Variants in PFKFB2 observed in about 807,000 individuals in gnomAD.
The protein encoded by PFKFB2 is 6-phosphofructo-2-kinase/fructose-2,6-bisphosphatase 2.
A neutral mutation model predicts 68.0 loss-of-function variants in PFKFB2; 53 were observed. The ratio of observed to expected loss-of-function variants is 0.78; its 90% CI spans 0.63 to 0.98. PFKFB2 has a LOEUF of 0.98. Among genes scored for constraint, PFKFB2 ranks in the 50% least tolerant of loss-of-function variants. The probability of loss-of-function intolerance (pLI) is 0.00; values close to 1 mark genes in which losing one functional copy is unlikely to be tolerated. For missense variants in PFKFB2, 451 were observed against 642.0 expected (o/e 0.70, Z 3.22); for synonymous variants, 222 against 227.6 (o/e 0.98, Z 0.22).
chr1:207,054,789 A>G lies in PFKFB2; in HGVS notation c.72A>G (p.Ser24=), dbSNP rs927184216. 9.9e-6 allele frequency: 16 copies of G among 1,612,632 alleles called. No homozygotes were observed. The highest frequency in any genetic ancestry group is 1.4e-5 in the Non-Finnish European group (16 of 1,178,996). Residue 24 remains serine (S), a synonymous_variant, in exon 2 of 15, where the codon TCA becomes TCG. Transcript: ENST00000367080. ...YETKTPNLRM[S]EKKCSWASYM... is the part of the protein sequence containing the mutation. ...CCAAAACCCCAAATCTTCGAATGTC[A>G]GAGAAGAAATGTTGTGAGTTCTGGC...
intron 2 of PFKFB2, among the ~76,000 whole-genome samples, chr1:207,061,176 T>TA (rs1683101247): frequency 6.3e-5 from 4 of 63,530 alleles, no homozygotes; most frequent in Non-Finnish European, 1.1e-4. Flanking sequence ...TATATATATA[T>TA]ATATATATAT....
chr1:207,044,438 G>A (rs1437762257), intron 2 of PFKFB2: 1 of 152,488 alleles, frequency 6.6e-6, no homozygotes, highest in African/African-American at 2.4e-5. Context: ...TAATTACATA[G>A]CCTATACCAG....
intron 1 of PFKFB2, among the ~76,000 whole-genome samples, chr1:207,040,894 T>C (rs1305484197): frequency 6.6e-6 from 1 of 152,108 alleles, no homozygotes; most frequent in Non-Finnish European, 1.5e-5. Context: ...CGTTTTACTT[T>C]TTGTAGTTAT....
rs4030464 is a variant in PFKFB2, at chr1:207,068,095, A to AGTGT, written c.841-49_841-46dup. ...GCAGGCTTTGTGTATGTGTGTGTTG[A>AGTGT]GTGTGTGTGTGTGTGTGTGTGTCTG... On this transcript the variant is annotated intron_variant, in intron 9 of 14. Transcript: ENST00000367080. 1.0e-3 allele frequency: 1,091 copies of AGTGT among 1,093,482 alleles called. 5 individuals carry two copies. Among genetic ancestry groups the AGTGT allele is most frequent in the African/African-American group, 9.7e-3 (598 of 61,362 alleles). 67.7% of individuals were successfully genotyped at this position (1,093,482 alleles called of 1,614,324 possible). A position where few individuals can be genotyped will look rare whatever the true frequency, so the allele number is the denominator to read the frequency against.
chr1:207,035,783 C>T (rs1682366099), intron 1 of PFKFB2, among the ~76,000 whole-genome samples: 1 of 152,140 alleles, frequency 6.6e-6, no homozygotes, highest in Admixed American at 6.5e-5. Context: ...AGGAAGCTTA[C>T]AATCGTAACA....
chr1:207,036,725 C>A (rs559571820), intron 1 of PFKFB2, among the ~76,000 whole-genome samples: 10 of 152,254 alleles, frequency 6.6e-5, no homozygotes, highest in Admixed American at 2.6e-4. Context: ...CCATGTTTTT[C>A]CTATAAAATC....
At chr1:207,043,280 A>G (rs1026186415) in intron 2 of PFKFB2, among the ~76,000 whole-genome samples, 6 of 152,222 alleles carry the variant, frequency 3.9e-5, no homozygotes, top group Admixed American at 2.0e-4. Context: ...TGTTGGATGT[A>G]CACTGACCCC....
Position 207,076,529 on chromosome 1 carries a change from G to C in PFKFB2, c.*4158G>C. 5.2e-6 allele frequency: 5 copies of C among 970,846 alleles called. No individual in the cohort carries two copies. Among genetic ancestry groups the C allele is most frequent in the Non-Finnish European group, 6.1e-6 (5 of 824,076 alleles). 60.1% of individuals were successfully genotyped at this position (970,846 alleles called of 1,614,324 possible). On this transcript the variant is annotated 3_prime_UTR_variant, in exon 15 of 15. Coordinates refer to ENST00000367080, the MANE Select transcript of PFKFB2 (RefSeq NM_006212.2). ...GTTGCAGCACTGGTGGGGTAGAATCGACTTTCCCTGAAGGTGACACAGATG... is the reference window on the plus strand; with the variant it reads ...GTTGCAGCACTGGTGGGGTAGAATCCACTTTCCCTGAAGGTGACACAGATG...
intron 14 of PFKFB2, 124 bp from the exon 15 acceptor site, chr1:207,072,080 G>T: frequency 1.3e-6 from 2 of 1,497,696 alleles, no homozygotes; most frequent in East Asian, 2.3e-5. Context: ...GCCCTGTGAG[G>T]GACCCTGTGT....
intron 7 of PFKFB2, among the ~76,000 whole-genome samples, chr1:207,064,768 G>A (rs1683229676): frequency 1.3e-5 from 2 of 151,982 alleles, no homozygotes; most frequent in Middle Eastern, 3.4e-3. Context: ...AGGGATTGGG[G>A]CCCAGGAGCA....
At chr1:207,040,293 T>C (rs1397499697) in intron 1 of PFKFB2, among the ~76,000 whole-genome samples, 1 of 152,220 alleles carries the variant, frequency 6.6e-6, no homozygotes, top group Admixed American at 6.5e-5. Flanking sequence ...CAGGGCCATC[T>C]TTAGGGTTTT....
intron 2 of PFKFB2, chr1:207,047,988 C>A (rs1345698003): frequency 6.6e-6 from 1 of 152,118 alleles, no homozygotes; most frequent in African/African-American, 2.4e-5. Flanking sequence ...CAAAAACCAA[C>A]CCAAAGCAGA....
upstream of PFKFB2, chr1:207,050,992 G>T (rs765201156): frequency 3.3e-6 from 5 of 1,533,152 alleles, no homozygotes; most frequent in South Asian, 2.4e-5. Context: ...CAGGCGCCGG[G>T]TGGACTCCAA....
At chr1:207,043,467 T>C (rs1223261020) in intron 2 of PFKFB2, among the ~76,000 whole-genome samples, 1 of 152,206 alleles carries the variant, frequency 6.6e-6, no homozygotes, top group East Asian at 1.9e-4. Flanking sequence ...GTTTAAATGT[T>C]GACATTGCCA....
Position 207,054,810 on chromosome 1 carries a change from C to G in PFKFB2, c.85+8C>G. The G allele has an allele frequency of 6.2e-7, 1 of 1,601,732 alleles. No homozygotes were observed. The highest frequency in any genetic ancestry group is 1.1e-5 in the South Asian group (1 of 90,114). ...TGTCAGAGAAGAAATGTTGTGAGTT[C>G]TGGCAGAGAGGAGGGACTGCTCTCT... On this transcript the variant is annotated splice_region_variant and intron_variant, in intron 2 of 14. Coordinates refer to ENST00000367080, the MANE Select transcript of PFKFB2 (RefSeq NM_006212.2).
chr1:207,079,010 G>A (rs184742290), downstream of PFKFB2: 1 of 1,611,054 alleles, frequency 6.2e-7, no homozygotes, highest in East Asian at 2.2e-5. Flanking sequence ...CCCTCATGTT[G>A]CCTTGCTAAT....
Position 207,072,283 on chromosome 1 carries a change from G to A in PFKFB2, c.1430G>A (p.Arg477Lys), listed in dbSNP as rs1301520570. Residue 477 changes from arginine (R) to lysine (K), a missense_variant, in exon 15 of 15, where the codon AGG (arginine) becomes AAG (lysine). By Grantham distance (26) the Arg-to-Lys change is conservative. Transcript: ENST00000367080. ...CCTCTGTCCAGTTCGAATACAATAA[G>A]GCGTCCAAGAAATTACAGTGTTGGG... is the stretch of plus-strand genomic sequence containing the variant. ...FTPLSSSNTI[R>K]RPRNYSVGSR... 6.8e-6 allele frequency: 11 copies of A among 1,614,058 alleles called. No homozygotes were observed. The Admixed American group carries it at 1.2e-4, about 17-fold the overall frequency.
At chr1:207,053,636 A>G (rs1296943445) in intron 1 of PFKFB2, among the ~76,000 whole-genome samples, 2 of 151,640 alleles carry the variant, frequency 1.3e-5, no homozygotes, top group Non-Finnish European at 2.9e-5. Context: ...GGACTTTCCC[A>G]CTCCAGTTTG....
Position 207,061,968 on chromosome 1 carries a change from T to C in PFKFB2, c.101T>C (p.Met34Thr). The C allele has an allele frequency of 1.2e-6, 2 of 1,614,202 alleles. No homozygotes were observed. Among genetic ancestry groups the C allele is most frequent in the East Asian group, 2.2e-5 (1 of 44,874 alleles). The part of the protein sequence containing the change: ...SEKKCSWASY[M>T]TNSPTLIVMI... ...TTCCTTCTAGCATGGGCCTCCTACATGACCAACTCCCCGACTCTGATCGTT... is the reference window on the plus strand; with the variant it reads ...TTCCTTCTAGCATGGGCCTCCTACACGACCAACTCCCCGACTCTGATCGTT... The change falls in exon 3 of 15, where the codon ATG becomes ACG. Residue 34 changes from methionine (M) to threonine (T), a missense_variant. Met to Thr is a moderately conservative substitution (Grantham distance 81, BLOSUM62 -1). Transcript: ENST00000367080.
Sources: gnomAD v4.1 joint callset for allele counts (sites outside exome capture counted in the v4.1 genomes callset) on GRCh38, gnomAD v4.1.1 for gene constraint, MANE v1.5 for transcripts, NCBI Gene and HGNC (gene_info 2026-07-23, HGNC 2026-07-21) for gene names.